PGPEP1L: variants seen among roughly 807,000 people sequenced by gnomAD.
The protein encoded by PGPEP1L is pyroglutamyl-peptidase 1-like protein.
PGPEP1L carries 7 observed loss-of-function variants against 6.0 expected under a neutral mutation model. The observed-to-expected ratio is 1.17, with a 90% CI of 0.66 to 2.19. PGPEP1L has a LOEUF of 2.19. PGPEP1L is among the 30% of genes most tolerant of loss of function. PGPEP1L has a pLI of 0.00. For missense variants in PGPEP1L, 209 were observed against 192.5 expected (o/e 1.09, Z -0.51); for synonymous variants, 103 against 83.9 (o/e 1.23, Z -1.24).
At chr15:98,998,890 G>A (rs782568021) in intron 2 of PGPEP1L, among the ~76,000 whole-genome samples, 9 of 152,158 alleles carry the variant, frequency 5.9e-5, no homozygotes, top group Non-Finnish European at 1.0e-4. Flanking sequence ...CAGGAGAATC[G>A]CTTGAACCCG....
At chr15:98,969,993 CAG>C (rs1157956549) in intron 3 of PGPEP1L, among the ~76,000 whole-genome samples, 1 of 152,020 alleles carries the variant, frequency 6.6e-6, no homozygotes, top group Non-Finnish European at 1.5e-5. Context: ...GCTACCACAG[CAG>C]AGTCTTCGTG....
chr15:98,970,731 GCC>G (rs2017481613), intron 3 of PGPEP1L, among the ~76,000 whole-genome samples: 1 of 152,192 alleles, frequency 6.6e-6, no homozygotes, highest in South Asian at 2.1e-4. Flanking sequence ...TATGTGTGGG[GCC>G]CAACCCAAGG....
chr15:98,997,085 A>G (rs1317574465), intron 2 of PGPEP1L, among the ~76,000 whole-genome samples: 2 of 152,194 alleles, frequency 1.3e-5, no homozygotes, highest in Non-Finnish European at 2.9e-5. Flanking sequence ...AAAAAGAAAT[A>G]GAAGGGTTCA....
chr15:99,007,116 C>T (rs868928637), intron 1 of PGPEP1L, among the ~76,000 whole-genome samples: 1 of 152,230 alleles, frequency 6.6e-6, no homozygotes, highest in African/African-American at 2.4e-5. Context: ...CTTTAATTAG[C>T]TCCTGGTGTG....
chr15:99,007,031 C>T (rs1298691522), intron 1 of PGPEP1L, among the ~76,000 whole-genome samples: 14 of 152,156 alleles, frequency 9.2e-5, no homozygotes, highest in African/African-American at 3.1e-4. Flanking sequence ...AAAGCGCTCC[C>T]TTTTAATTGG....
chr15:99,003,388 G>C (rs2018002848), intron 2 of PGPEP1L, among the ~76,000 whole-genome samples: 1 of 151,054 alleles, frequency 6.6e-6, no homozygotes, highest in African/African-American at 2.5e-5. Flanking sequence ...TGAAGCTCTT[G>C]TGTTTCAAGT....
intron 2 of PGPEP1L, among the ~76,000 whole-genome samples, chr15:99,001,822 A>AT (rs1226022614): frequency 3.3e-5 from 5 of 152,094 alleles, no homozygotes; most frequent in African/African-American, 1.2e-4. Context: ...GGTTCAAGCA[A>AT]TTCTCCTGCC....
chr15:98,984,177 A>G (rs2017712019), intron 2 of PGPEP1L, among the ~76,000 whole-genome samples: 1 of 151,840 alleles, frequency 6.6e-6, no homozygotes, highest in East Asian at 1.9e-4. Context: ...CGCCCGGCTA[A>G]TTTTTTTGTA....
chr15:98,970,351 CTTTT>C (rs939395940), intron 3 of PGPEP1L, among the ~76,000 whole-genome samples: 4 of 152,144 alleles, frequency 2.6e-5, no homozygotes, highest in Non-Finnish European at 5.9e-5. Flanking sequence ...CCTCCTGCAT[CTTTT>C]TTTAAATGAA....
intron 2 of PGPEP1L, among the ~76,000 whole-genome samples, chr15:99,003,563 G>A (rs1364787636): frequency 6.6e-6 from 1 of 152,136 alleles, no homozygotes; most frequent in Non-Finnish European, 1.5e-5. Context: ...ATTTGTCGGA[G>A]CCCTCGTTCT....
At chr15:98,991,114 T>G (rs1432661756) in intron 2 of PGPEP1L, among the ~76,000 whole-genome samples, 1 of 149,570 alleles carries the variant, frequency 6.7e-6, no homozygotes, top group African/African-American at 2.5e-5. Flanking sequence ...AAGATCAGAG[T>G]AGAATTGAAG....
intron 2 of PGPEP1L, among the ~76,000 whole-genome samples, chr15:98,981,351 G>A (rs944368078): frequency 2.0e-5 from 3 of 152,024 alleles, no homozygotes; most frequent in Admixed American, 6.5e-5. Context: ...TTAGCCGGGC[G>A]TGCTGGCGGG....
At chr15:98,990,097 TATCATAATGACAGG>T (rs1476179825) in intron 2 of PGPEP1L, among the ~76,000 whole-genome samples, 1 of 152,042 alleles carries the variant, frequency 6.6e-6, no homozygotes, top group African/African-American at 2.4e-5. Flanking sequence ...AACCAGCAAG[TATCATAATGACAGG>T]ATCAAATTCA....
chr15:99,000,073 G>A (rs1019745728), intron 2 of PGPEP1L, among the ~76,000 whole-genome samples: 2 of 152,246 alleles, frequency 1.3e-5, no homozygotes, highest in Non-Finnish European at 2.9e-5. Flanking sequence ...GGGAACCGGG[G>A]CTGCGTGCAG....
At chr15:98,976,538 G>C (rs537714675) in intron 2 of PGPEP1L, among the ~76,000 whole-genome samples, 1 of 152,310 alleles carries the variant, frequency 6.6e-6, no homozygotes, top group East Asian at 1.9e-4. Flanking sequence ...AAATGTCTCA[G>C]GACTTGAGGT....
At chr15:98,991,608 C>T (rs56839854) in intron 2 of PGPEP1L, among the ~76,000 whole-genome samples, 9,786 of 152,160 alleles carry the variant, frequency 0.064, 602 homozygotes, top group East Asian at 0.31. Flanking sequence ...TTTTAGGAGG[C>T]GAGCATCATC....
At chr15:98,988,636 T>C (rs2593047) in intron 2 of PGPEP1L, among the ~76,000 whole-genome samples, 148,190 of 152,312 alleles carry the variant, frequency 0.97, 72,132 homozygotes, top group African/African-American at 0.99. Flanking sequence ...TGTCTGATCT[T>C]TGATAAGGGA....
At position 99,006,885 on chromosome 15, in the gene PGPEP1L, T is replaced by A. The variant is rs1301261617; in HGVS notation, c.-370+474A>T. On this transcript the variant is annotated intron_variant, in intron 1 of 4. Transcript: ENST00000535714. ...GAGGAAGAAGACCCATGATTCTCTGTCCCCATCTAGGTCTGGGGAGGAGAA... is the reference window on the plus strand; with the variant it reads ...GAGGAAGAAGACCCATGATTCTCTGACCCCATCTAGGTCTGGGGAGGAGAA... Among the ~76,000 whole-genome samples the A allele has an allele frequency of 2.0e-5, 3 of 152,282 alleles. No homozygotes were observed. In the South Asian group the frequency reaches 6.2e-4, roughly 32 times the overall value.
intron 2 of PGPEP1L, among the ~76,000 whole-genome samples, chr15:98,971,552 C>T (rs577967783): frequency 6.6e-6 from 1 of 152,118 alleles, no homozygotes; most frequent in Non-Finnish European, 1.5e-5. Context: ...CCACCAACAA[C>T]AATACTGTAC....
Sources: allele counts gnomAD v4.1 joint callset (sites outside exome capture counted in the v4.1 genomes callset), GRCh38; gene constraint gnomAD v4.1.1; transcripts MANE v1.5; gene names NCBI Gene and HGNC (gene_info 2026-07-23, HGNC 2026-07-21).